PRCP: variants seen among roughly 807,000 people sequenced by gnomAD.
The protein encoded by PRCP is lysosomal Pro-X carboxypeptidase.
Under a neutral mutation model 54.2 loss-of-function variants are expected in PRCP, and 46 were observed. That is an observed-to-expected ratio of 0.85 (90% CI 0.67 to 1.09). PRCP has a LOEUF of 1.09. PRCP is among the 50% of genes least tolerant of loss of function. PRCP has a pLI of 0.00. For missense variants in PRCP, 613 were observed against 596.8 expected (o/e 1.03, Z -0.28); for synonymous variants, 240 against 212.2 (o/e 1.13, Z -1.14).
In PRCP at chr11:82,849,225, A is replaced by C; in HGVS notation, c.752-7T>G. 1 of 1,613,746 alleles carries C rather than the reference A, an allele frequency of 6.2e-7. No homozygotes were observed. The highest frequency in any genetic ancestry group is 8.5e-7 in the Non-Finnish European group (1 of 1,179,708). On this transcript the variant is annotated splice_polypyrimidine_tract_variant and splice_region_variant and intron_variant, in intron 5 of 8. Coordinates refer to ENST00000313010, the MANE Select transcript of PRCP (RefSeq NM_005040.4). ...AGCCACTGCAAACCACTGCCTGGGA[A>C]TAGAATCACACTGTTGGAATCTAAA... is the stretch of plus-strand genomic sequence containing the variant.
At chr11:82,884,346 C>G (rs970918549) in intron 1 of PRCP, among the ~76,000 whole-genome samples, 4 of 152,030 alleles carry the variant, frequency 2.6e-5, no homozygotes, top group African/African-American at 9.7e-5. Context: ...TCACTTGAGC[C>G]CAGGAATTCG....
chr11:82,888,822 A>G (rs1859929392), intron 1 of PRCP, among the ~76,000 whole-genome samples: 1 of 152,220 alleles, frequency 6.6e-6, no homozygotes, highest in Non-Finnish European at 1.5e-5. Context: ...CTCAGTGTGT[A>G]GAAAAATGGG....
intron 1 of PRCP, among the ~76,000 whole-genome samples, chr11:82,870,443 G>T (rs1859452286): frequency 1.3e-5 from 2 of 152,180 alleles, no homozygotes; most frequent in East Asian, 1.9e-4. Flanking sequence ...ACCAACAGAA[G>T]GATCTGACTT....
intron 1 of PRCP, chr11:82,884,945 C>T: frequency 1.9e-6 from 3 of 1,592,882 alleles, no homozygotes; most frequent in Non-Finnish European, 1.7e-6. Flanking sequence ...TACTAGCACA[C>T]ACCTCCCAGC....
At chr11:82,901,025 CAG>C (rs766150025), upstream of PRCP, 5 of 383,938 alleles carry the variant, frequency 1.3e-5, no homozygotes, top group African/African-American at 2.1e-5. Flanking sequence ...AACTGAGGCT[CAG>C]AGAGGTGCGG....
intron 1 of PRCP, among the ~76,000 whole-genome samples, chr11:82,865,219 C>T (rs1482695326): frequency 7.9e-5 from 12 of 152,162 alleles, no homozygotes; most frequent in Admixed American, 6.5e-4. Flanking sequence ...TACCCAATCC[C>T]GCCTCCAAGA....
At chr11:82,872,652 C>T (rs914527206) in intron 1 of PRCP, among the ~76,000 whole-genome samples, 5 of 152,152 alleles carry the variant, frequency 3.3e-5, no homozygotes, top group Admixed American at 6.5e-5. Context: ...CCCCGGAGCC[C>T]GGACCAGGCT....
intron 1 of PRCP, among the ~76,000 whole-genome samples, chr11:82,878,498 A>T (rs771692589): frequency 3.0e-4 from 45 of 152,192 alleles, no homozygotes; most frequent in South Asian, 6.2e-4. Flanking sequence ...GGTCGTTCCC[A>T]TGCTATTCTC....
At chr11:82,837,992 T>C (rs1356923526) in intron 8 of PRCP, among the ~76,000 whole-genome samples, 2 of 152,212 alleles carry the variant, frequency 1.3e-5, no homozygotes, top group African/African-American at 4.8e-5. Context: ...GTAATTTATT[T>C]AAAGTGCCTC....
chr11:82,853,164 A>G lies in PRCP; in HGVS notation c.411+13T>C, dbSNP rs1194788522. The stretch of plus-strand genomic sequence containing the variant: ...GAAAAAGCTTGTAACTTTTAAGTAA[A>G]AAGTATCTTTACCTTGAATGAGTTG... On this transcript the variant is annotated intron_variant, in intron 3 of 8. Coordinates refer to ENST00000313010, the MANE Select transcript of PRCP (RefSeq NM_005040.4). The G allele has an allele frequency of 4.5e-6, 7 of 1,558,348 alleles. No homozygotes were observed. The African/African-American group carries it at 6.9e-5, about 15-fold the overall frequency.
chr11:82,862,313 T>A (rs1859225086), intron 1 of PRCP, among the ~76,000 whole-genome samples: 1 of 152,354 alleles, frequency 6.6e-6, no homozygotes, highest in Admixed American at 6.5e-5. Context: ...TCAAATACTA[T>A]AACATGGTAA....
intron 8 of PRCP, among the ~76,000 whole-genome samples, chr11:82,832,186 ATG>A (rs1858403361): frequency 6.6e-6 from 1 of 152,134 alleles, no homozygotes. Flanking sequence ...ATACATGTGC[ATG>A]TGTCTTTTTA....
chr11:82,888,834 GAGA>G (rs1369255980), intron 1 of PRCP, among the ~76,000 whole-genome samples: 1 of 152,208 alleles, frequency 6.6e-6, no homozygotes, highest in African/African-American at 2.4e-5. Flanking sequence ...AAAAATGGGA[GAGA>G]AGGAGGGGGA....
chr11:82,878,149 G>C (rs1038781393), intron 1 of PRCP, among the ~76,000 whole-genome samples: 12 of 152,290 alleles, frequency 7.9e-5, no homozygotes, highest in African/African-American at 2.9e-4. Flanking sequence ...CTCCCATTTG[G>C]AATGGCTGTA....
At chr11:82,851,629 A>C (rs1858958526) in intron 3 of PRCP, among the ~76,000 whole-genome samples, 1 of 152,038 alleles carries the variant, frequency 6.6e-6, no homozygotes, top group Middle Eastern at 3.4e-3. Context: ...CATGGAAACT[A>C]TAAAGTAATA....
In PRCP at chr11:82,853,223, T is replaced by C. The variant is rs1859001361; in HGVS notation, c.365A>G (p.His122Arg). The stretch of plus-strand genomic sequence containing the variant: ...GGGGAGAGACTCTCCATAGTATCGA[T>C]GTTCAGCAAACACCAACATAGCTTT... ...ELKAMLVFAEHRYYGESLPFG... is the reference protein window; with the variant it reads ...ELKAMLVFAERRYYGESLPFG... The change falls in exon 3 of 9, where the codon CAT (histidine) becomes CGT (arginine). Residue 122 changes from histidine (H) to arginine (R), a missense_variant. Physicochemically the swap from His to Arg is conservative, Grantham distance 29. Coordinates refer to ENST00000313010, the MANE Select transcript of PRCP (RefSeq NM_005040.4). 11 of 1,613,284 alleles carry C rather than the reference T, an allele frequency of 6.8e-6. No individual in the cohort carries two copies. In the East Asian group the frequency reaches 1.6e-4, roughly 23 times the overall value.
intron 1 of PRCP, among the ~76,000 whole-genome samples, chr11:82,890,966 A>G (rs1047932799): frequency 1.3e-5 from 2 of 152,180 alleles, no homozygotes; most frequent in Non-Finnish European, 2.9e-5. Context: ...ATCATCTTTA[A>G]AAGAAAAGAT....
intron 2 of PRCP, among the ~76,000 whole-genome samples, chr11:82,859,692 A>G (rs1591054889): frequency 6.6e-6 from 1 of 152,130 alleles, no homozygotes; most frequent in Non-Finnish European, 1.5e-5. Context: ...AATAAAATAA[A>G]ATAATTCAAT....
Position 82,839,374 on chromosome 11 carries a change from G to T in PRCP, c.973C>A (p.Gln325Lys). ...ACATTCAGAGCTTGGAAAATATTCT[G>T]CAGCAGCAGTGAATCAGATACATTG... ...NPNVSDSLLL[Q>K]NIFQALNVYY... The change falls in exon 7 of 9, where the codon CAG becomes AAG. Residue 325 changes from glutamine (Q) to lysine (K), a missense_variant. By Grantham distance (53) the Gln-to-Lys change is moderately conservative. Coordinates refer to ENST00000313010, the MANE Select transcript of PRCP (RefSeq NM_005040.4). 1.2e-6 allele frequency: 2 copies of T among 1,613,558 alleles called. No individual in the cohort carries two copies. The highest frequency in any genetic ancestry group is 2.2e-5 in the East Asian group (1 of 44,868).
Sources: gnomAD v4.1 joint callset for allele counts (sites outside exome capture counted in the v4.1 genomes callset) on GRCh38, gnomAD v4.1.1 for gene constraint, MANE v1.5 for transcripts, NCBI Gene and HGNC (gene_info 2026-07-23, HGNC 2026-07-21) for gene names.